MYO16: variants seen among roughly 807,000 people sequenced by gnomAD.
MYO16 encodes the protein myosin XVI.
A neutral mutation model predicts 205.3 loss-of-function variants in MYO16; 94 were observed. That is an observed-to-expected ratio of 0.46 (90% CI 0.39 to 0.54). The LOEUF is 0.54. Ranked by LOEUF, MYO16 falls within the 20% of genes least tolerant of loss-of-function variation. The pLI is 0.00. For synonymous variants in MYO16, 988 were observed against 954.0 expected (o/e 1.04, Z -0.66); for missense variants, 2,315 against 2,387.5 (o/e 0.97, Z 0.63).
intron 20 of MYO16, among the ~76,000 whole-genome samples, chr13:108,988,472 A>G (rs1418433087): frequency 2.0e-5 from 3 of 152,052 alleles, no homozygotes; most frequent in African/African-American, 7.2e-5. Flanking sequence ...GTTTGGATTC[A>G]GTATCTATAA....
At chr13:108,508,268 G>A in the MYO16 span, among the ~76,000 whole-genome samples, 1 of 137,948 alleles carries the variant, frequency 7.2e-6, no homozygotes, top group African/African-American at 2.6e-5. Context: ...AAAAAAAAAA[G>A]CTATCTTTCT....
rs1877054357 is a variant in MYO16 at position 109,141,003 on chromosome 13, G to T, written c.4791G>T (p.Pro1597=). ...CCTCCCCGCCGTCCACGCCGCCCCC[G>T]CCCCCGCCCCCGCCCGGGCCGCCCC... ...GRASPPSTPP[P]PPPPPGPPPA... is the part of the protein sequence containing the mutation. The change falls in exon 32 of 35, where the codon CCG becomes CCT. Residue 1597 remains proline (P), a synonymous_variant. Coordinates refer to ENST00000457511, the MANE Select transcript of MYO16 (RefSeq NM_001198950.3). This position sits in a 1 kb window ranked among gnomAD's most constrained non-coding sequence, Gnocchi z 4.1. The T allele has an allele frequency of 1.5e-6, 2 of 1,294,388 alleles. No homozygotes were observed. The highest frequency in any genetic ancestry group is 2.0e-6 in the Non-Finnish European group (2 of 1,016,162). The allele number at this position is 1,294,388 out of a possible 1,614,324, so 80.2% of individuals were successfully genotyped here.
chr13:108,568,567 A>G, the MYO16 span, among the ~76,000 whole-genome samples: 1 of 152,074 alleles, frequency 6.6e-6, no homozygotes, highest in East Asian at 1.9e-4. Flanking sequence ...AAAGTTCTTT[A>G]TATGTCCTGG....
chr13:109,197,531 T>C (rs1014366951), intron 34 of MYO16, among the ~76,000 whole-genome samples: 4 of 152,222 alleles, frequency 2.6e-5, no homozygotes, highest in African/African-American at 7.2e-5. Flanking sequence ...GGATACTTTG[T>C]GCTGGGTAGA....
chr13:109,057,226 C>T lies in MYO16; in HGVS notation c.3335+1631C>T, dbSNP rs143567253. ...CATTTTGGTAAATTTTATAAAGACA[C>T]ATAGAAGAAAATAAACAACATATGA... On this transcript the variant is annotated intron_variant, in intron 27 of 34. Coordinates refer to ENST00000457511, the MANE Select transcript of MYO16 (RefSeq NM_001198950.3). Among the ~76,000 whole-genome samples the T allele has an allele frequency of 2.5e-3, 374 of 152,184 alleles. 4 individuals are homozygous for T. Among genetic ancestry groups the T allele is most frequent in the Admixed American group, 0.015 (227 of 15,286 alleles).
At chr13:108,981,820 G>C (rs1395186140) in intron 20 of MYO16, among the ~76,000 whole-genome samples, 1 of 152,218 alleles carries the variant, frequency 6.6e-6, no homozygotes, top group Non-Finnish European at 1.5e-5. Context: ...AATGTTCATA[G>C]CTGTTACTTG....
At chr13:108,979,493 G>A (rs972471560) in intron 20 of MYO16, among the ~76,000 whole-genome samples, 1 of 151,954 alleles carries the variant, frequency 6.6e-6, no homozygotes, top group African/African-American at 2.4e-5. Context: ...CCAAACTGGG[G>A]ATTTTTTTAC....
At position 108,888,393 on chromosome 13, in the gene MYO16, G is replaced by A. The variant is rs745591689; in HGVS notation, c.1575G>A (p.Lys525=). Residue 525 remains lysine (K), a synonymous_variant, in exon 14 of 35, where the codon AAG becomes AAA. Transcript: ENST00000457511. ...FILSGERGSG[K]SEASKQIIRH... ...TTAGTGGAGAAAGGGGATCAGGAAA[G>A]TCTGAAGCCAGCAAACAAATCATAA... The A allele has an allele frequency of 6.2e-5, 100 of 1,603,142 alleles. No homozygotes were observed. Among genetic ancestry groups the A allele is most frequent in the Non-Finnish European group, 8.3e-5 (98 of 1,175,268 alleles).
At chr13:108,742,194 A>G (rs1884932114) in intron 4 of MYO16, among the ~76,000 whole-genome samples, 1 of 152,016 alleles carries the variant, frequency 6.6e-6, no homozygotes. Flanking sequence ...GGTTTTCACC[A>G]TGTTGGCCAG....
intron 9 of MYO16, among the ~76,000 whole-genome samples, chr13:108,833,523 A>G (rs1261059235): frequency 1.3e-5 from 2 of 152,142 alleles, no homozygotes; most frequent in Non-Finnish European, 2.9e-5. Context: ...ATATCTTTAC[A>G]TCTGTTTCTG....
At chr13:108,906,680 T>C (rs1566403988) in intron 15 of MYO16, among the ~76,000 whole-genome samples, 2 of 152,210 alleles carry the variant, frequency 1.3e-5, no homozygotes, top group Non-Finnish European at 2.9e-5. Context: ...AGAATTTAAA[T>C]GAGGCAATGT....
the MYO16 span, among the ~76,000 whole-genome samples, chr13:108,589,693 G>A: frequency 0.053 from 8,002 of 151,704 alleles, 312 homozygotes; most frequent in Admixed American, 0.11. Context: ...TCTCCCTCTC[G>A]CTGTCTGTCT....
In MYO16 at chr13:109,204,833, C is replaced by G. The variant is rs73605928; in HGVS notation, c.5416-1776C>G. Among the ~76,000 whole-genome samples the G allele has an allele frequency of 3.5e-3, 533 of 152,270 alleles. 3 individuals are homozygous for G. The highest frequency in any genetic ancestry group is 0.013 in the African/African-American group (521 of 41,552). On this transcript the variant is annotated intron_variant, in intron 34 of 34. Coordinates refer to ENST00000457511, the MANE Select transcript of MYO16 (RefSeq NM_001198950.3). The stretch of plus-strand genomic sequence containing the variant: ...ACATAGAAGTACCCACTTTACAGGG[C>G]TCTTAAGAGCTGACGAGTTAATGCC...
At chr13:109,129,647 TG>T (rs1266268911) in intron 31 of MYO16, among the ~76,000 whole-genome samples, 1 of 152,106 alleles carries the variant, frequency 6.6e-6, no homozygotes, top group African/African-American at 2.4e-5. Context: ...GTGAGGAAGA[TG>T]GTATCTAAAA....
At chr13:108,510,536 A>G in the MYO16 span, among the ~76,000 whole-genome samples, 1 of 88,338 alleles carries the variant, frequency 1.1e-5, no homozygotes, top group Non-Finnish European at 2.1e-5. Context: ...GGTTAGTTAC[A>G]TATGTATACA....
Position 109,127,250 on chromosome 13 carries a change from G to T in MYO16, c.3783-32G>T. The T allele has an allele frequency of 1.9e-6, 3 of 1,543,062 alleles. No homozygotes were observed. In the South Asian group the frequency reaches 3.7e-5, roughly 19 times the overall value. The stretch of plus-strand genomic sequence containing the variant: ...AATAATGCATCTGGGCCTCTCTGGC[G>T]TGGTGCTGTTTGTGTTTTGTTTCCC... On this transcript the variant is annotated intron_variant, in intron 30 of 34. Coordinates refer to ENST00000457511, the MANE Select transcript of MYO16 (RefSeq NM_001198950.3). The surrounding 1 kb of genome is among the most constrained non-coding windows in gnomAD (Gnocchi z 4.2).
chr13:108,833,968 C>G (rs1300538989), intron 9 of MYO16, among the ~76,000 whole-genome samples: 3 of 151,968 alleles, frequency 2.0e-5, no homozygotes, highest in African/African-American at 7.3e-5. Context: ...AAATAAAGTT[C>G]TATTACTAAT....
chr13:108,795,559 G>T (rs936636858), intron 6 of MYO16, among the ~76,000 whole-genome samples: 1 of 152,030 alleles, frequency 6.6e-6, no homozygotes, highest in African/African-American at 2.4e-5. Context: ...TTCCAAAATC[G>T]ATATTTATAA....
chr13:109,013,190 C>T (rs1323679016), intron 22 of MYO16, among the ~76,000 whole-genome samples: 2 of 140,116 alleles, frequency 1.4e-5, no homozygotes, highest in African/African-American at 5.3e-5. Flanking sequence ...TTGTTGAGTT[C>T]CCACCTATGA....
Sources: gnomAD v4.1 joint callset for allele counts (sites outside exome capture counted in the v4.1 genomes callset) on GRCh38, gnomAD v4.1.1 for gene constraint, Gnocchi (gnomAD v3.1) non-coding constraint, MANE v1.5 for transcripts, NCBI Gene and HGNC (gene_info 2026-07-23, HGNC 2026-07-21) for gene names.